The following ADAM29 variants were observed in gnomAD, a reference collection of about 807,000 sequenced individuals.
ADAM29 encodes ADAM metallopeptidase domain 29.
For synonymous variants in ADAM29, 367 were observed against 342.3 expected (o/e 1.07, Z -0.80); for missense variants, 969 against 1,001.8 (o/e 0.97, Z 0.44).
intron 4 of ADAM29, among the ~76,000 whole-genome samples, chr4:174,946,499 C>A (rs745846245): frequency 6.6e-6 from 1 of 152,010 alleles, no homozygotes; most frequent in African/African-American, 2.4e-5. Flanking sequence ...CTTTCACTTG[C>A]CTGATTGCTC....
At chr4:174,953,082 C>T (rs550110208) in intron 4 of ADAM29, among the ~76,000 whole-genome samples, 9 of 152,168 alleles carry the variant, frequency 5.9e-5, no homozygotes, top group South Asian at 2.1e-4. Flanking sequence ...GTCAGGAGAT[C>T]GAGACCATCC....
At chr4:174,929,933 G>A (rs1239541728) in intron 2 of ADAM29, among the ~76,000 whole-genome samples, 1 of 150,024 alleles carries the variant, frequency 6.7e-6, no homozygotes, top group Non-Finnish European at 1.5e-5. Context: ...ATTTTTGTTT[G>A]TTAGTTTGTT....
intron 4 of ADAM29, 63 bp downstream of exon 4, chr4:174,937,076 A>C (rs1410335529): frequency 6.6e-6 from 1 of 152,010 alleles, no homozygotes; most frequent in Non-Finnish European, 1.5e-5. Flanking sequence ...ATCACAATAA[A>C]ACACACATTT....
In ADAM29 at chr4:174,976,042, T is replaced by G. The variant is rs1322651775; in HGVS notation, c.517T>G (p.Cys173Gly). The change falls in exon 5 of 5, where the codon TGC (cysteine) becomes GGC (glycine). Residue 173 changes from cysteine to glycine, a missense_variant. Cys to Gly is a radical substitution (Grantham distance 159). Coordinates refer to ENST00000359240, the MANE Select transcript of ADAM29 (RefSeq NM_014269.4). ...RSGFMQNEIT[C>G]RMEFEEIDNS... ...CGGATTTATGCAAAATGAAATAACA[T>G]GCCGAATGGAATTTGAAGAAATTGA... 9 of 1,611,424 alleles carry G rather than the reference T, an allele frequency of 5.6e-6. No homozygotes were observed. Among genetic ancestry groups the G allele is most frequent in the Non-Finnish European group, 7.6e-6 (9 of 1,179,374 alleles).
chr4:174,972,399 G>T (rs1683532342), intron 4 of ADAM29, among the ~76,000 whole-genome samples: 1 of 152,152 alleles, frequency 6.6e-6, no homozygotes, highest in South Asian at 2.1e-4. Flanking sequence ...AAAGAAGCAG[G>T]TGTGATTTTT....
intron 3 of ADAM29, among the ~76,000 whole-genome samples, chr4:174,936,108 G>T (rs1744182864): frequency 6.6e-6 from 1 of 151,968 alleles, no homozygotes; most frequent in Non-Finnish European, 1.5e-5. Context: ...ATAAATAATG[G>T]CATTGTAGAC....
At chr4:174,952,606 T>C (rs1745250287) in intron 4 of ADAM29, among the ~76,000 whole-genome samples, 1 of 152,088 alleles carries the variant, frequency 6.6e-6, no homozygotes, top group South Asian at 2.1e-4. Flanking sequence ...CTAACTTCAC[T>C]CAGAGATTCA....
At chr4:174,950,920 T>A (rs1257536980) in intron 4 of ADAM29, among the ~76,000 whole-genome samples, 1 of 152,102 alleles carries the variant, frequency 6.6e-6, no homozygotes, top group Admixed American at 6.5e-5. Context: ...TGCTCCCCCA[T>A]GGTAAAACAT....
Position 174,941,451 on chromosome 4 carries a change from T to C in ADAM29, c.-181+4438T>C, listed in dbSNP as rs1051500100. On this transcript the variant is annotated intron_variant, in intron 4 of 4. Coordinates refer to ENST00000359240, the MANE Select transcript of ADAM29 (RefSeq NM_014269.4). ...CTAATTTATAAAGAAACAGGTTTAA[T>C]TGACTCACAGCTTCACATAGCTGGG... Among the ~76,000 whole-genome samples the C allele has an allele frequency of 2.0e-5, 3 of 152,214 alleles. No individual in the cohort carries two copies. The South Asian group carries it at 6.2e-4, about 32-fold the overall frequency.
intron 4 of ADAM29, among the ~76,000 whole-genome samples, chr4:174,945,481 T>C (rs1210238326): frequency 6.6e-6 from 1 of 152,214 alleles, no homozygotes; most frequent in Non-Finnish European, 1.5e-5. Context: ...TTTCTTGTGC[T>C]GTGCAGAAGT....
chr4:174,973,247 C>G (rs6845439), intron 4 of ADAM29, among the ~76,000 whole-genome samples: 69,692 of 152,000 alleles, frequency 0.46, 16,218 homozygotes, highest in African/African-American at 0.54. Flanking sequence ...GTGTATAAAG[C>G]CCCTTTAAAA....
At chr4:174,960,895 A>G (rs1333309271) in intron 4 of ADAM29, among the ~76,000 whole-genome samples, 3 of 152,166 alleles carry the variant, frequency 2.0e-5, no homozygotes, top group African/African-American at 7.2e-5. Context: ...ATTCATAGCA[A>G]CCAATCAAAA....
At chr4:174,949,931 A>T (rs1288872728) in intron 4 of ADAM29, among the ~76,000 whole-genome samples, 2 of 152,102 alleles carry the variant, frequency 1.3e-5, no homozygotes, top group African/African-American at 4.8e-5. Context: ...TGGATTATTA[A>T]CATTTCCTAC....
intron 2 of ADAM29, among the ~76,000 whole-genome samples, chr4:174,926,630 G>A (rs529737042): frequency 8.2e-4 from 123 of 150,842 alleles, no homozygotes; most frequent in Middle Eastern, 3.4e-3. Flanking sequence ...AGGGAGTGTC[G>A]TGGTGCAAGC....
In ADAM29 at chr4:174,936,931, A is replaced by G. The variant is rs1185695388; in HGVS notation, c.-261-2A>G. 6.6e-6 allele frequency: 1 copy of G among 152,028 alleles called. No homozygotes were observed. Among genetic ancestry groups the G allele is most frequent in the Non-Finnish European group, 1.5e-5 (1 of 67,886 alleles). The allele number at this position is 152,028 out of a possible 1,614,324, so 9.4% of individuals were successfully genotyped here. ...AAATATAATGAGTTCCTCTTATTCC[A>G]GAGAATGTGACTTTCCTGAACAACA... On this transcript the variant is annotated splice_acceptor_variant, in intron 3 of 4. Transcript: ENST00000359240. LOFTEE classifies it low-confidence loss of function (5UTR_SPLICE).
At chr4:174,959,644 T>G (rs1745700058) in intron 4 of ADAM29, among the ~76,000 whole-genome samples, 1 of 151,880 alleles carries the variant, frequency 6.6e-6, no homozygotes, top group Non-Finnish European at 1.5e-5. Flanking sequence ...AAATTTTTAA[T>G]ATTTCTCCAC....
intron 4 of ADAM29, among the ~76,000 whole-genome samples, chr4:174,937,679 G>C (rs540473088): frequency 1.4e-4 from 22 of 152,066 alleles, no homozygotes; most frequent in African/African-American, 5.1e-4. Context: ...CGCCTGGCTA[G>C]TTCCTAAGCA....
rs947994317 is a variant in ADAM29, at chr4:174,969,317, A to G, written c.-180-6029A>G. ...ATATTTTAAATAAAATTACAGAACCAAAAACAAAGTAAAAATTAAAAAAAA... is the reference window on the plus strand; with the variant it reads ...ATATTTTAAATAAAATTACAGAACCGAAAACAAAGTAAAAATTAAAAAAAA... On this transcript the variant is annotated intron_variant, in intron 4 of 4. Coordinates refer to ENST00000359240, the MANE Select transcript of ADAM29 (RefSeq NM_014269.4). 2.0e-5 allele frequency among the ~76,000 whole-genome samples: 3 copies of G among 151,810 alleles called. No individual in the cohort carries two copies. The South Asian group carries it at 6.2e-4, about 31-fold the overall frequency.
chr4:174,975,006 T>G (rs1031019080), intron 4 of ADAM29, among the ~76,000 whole-genome samples: 1 of 152,224 alleles, frequency 6.6e-6, no homozygotes, highest in Non-Finnish European at 1.5e-5. Context: ...ATTGAAGATA[T>G]AAGTTCAGCT....
Sources: gnomAD v4.1 joint callset for allele counts (sites outside exome capture counted in the v4.1 genomes callset) on GRCh38, gnomAD v4.1.1 for gene constraint, MANE v1.5 for transcripts, NCBI Gene and HGNC (gene_info 2026-07-23, HGNC 2026-07-21) for gene names.